Variants in SGCZ observed in about 807,000 individuals in gnomAD.
SGCZ encodes the protein sarcoglycan zeta.
Under a neutral mutation model 41.3 loss-of-function variants are expected in SGCZ, and 40 were observed. The ratio of observed to expected loss-of-function variants is 0.97; its 90% CI spans 0.75 to 1.26. SGCZ has a LOEUF of 1.26. Ranked by LOEUF, SGCZ falls within the 50% of genes most tolerant of loss-of-function variation. The probability of loss-of-function intolerance (pLI) is 0.00; values close to 1 mark genes in which losing one functional copy is unlikely to be tolerated. For synonymous variants in SGCZ, 206 were observed against 137.5 expected (o/e 1.50, Z -3.49); for missense variants, 552 against 369.8 (o/e 1.49, Z -4.04).
intron 2 of SGCZ, among the ~76,000 whole-genome samples, chr8:14,370,388 A>G (rs1803868397): frequency 6.6e-6 from 1 of 151,942 alleles, no homozygotes; most frequent in Non-Finnish European, 1.5e-5. Flanking sequence ...TATAACAACT[A>G]TTGAATATCA....
Position 14,090,553 on chromosome 8 carries a change from G to C in SGCZ, c.829C>G (p.Arg277Gly). Residue 277 changes from arginine to glycine, a missense_variant, in exon 8 of 8, where the codon CGA becomes GGA. By Grantham distance (125) the Arg-to-Gly change is moderately radical. Transcript: ENST00000382080. Reference sequence around the variant, plus strand: ...ACGCAGAGTTCATACACTGTCTGTCGAGAACTTGAGGAGCTGGGTGAAGAA... The same window carrying C: ...ACGCAGAGTTCATACACTGTCTGTCCAGAACTTGAGGAGCTGGGTGAAGAA... ...SSSSPSSSSSRQTVYELCVCP... is the reference protein window; with the variant it reads ...SSSSPSSSSSGQTVYELCVCP... The C allele has an allele frequency of 6.2e-7, 1 of 1,613,048 alleles. No individual in the cohort carries two copies. The highest frequency in any genetic ancestry group is 1.1e-5 in the South Asian group (1 of 91,032).
intron 5 of SGCZ, among the ~76,000 whole-genome samples, chr8:14,162,847 A>G (rs1160890762): frequency 1.3e-5 from 2 of 152,152 alleles, no homozygotes; most frequent in African/African-American, 4.8e-5. Context: ...GTTGAATTTC[A>G]TCACCATTTA....
intron 1 of SGCZ, among the ~76,000 whole-genome samples, chr8:14,666,886 G>T (rs981890464): frequency 4.0e-5 from 6 of 151,520 alleles, no homozygotes; most frequent in Non-Finnish European, 8.8e-5. Flanking sequence ...ACGTCCATTA[G>T]GTACTAAAAT....
chr8:14,930,964 G>A (rs1799908780), intron 1 of SGCZ, among the ~76,000 whole-genome samples: 1 of 151,998 alleles, frequency 6.6e-6, no homozygotes. Context: ...GTATACCTAT[G>A]TAACAAACCG....
At chr8:14,297,221 C>A (rs1294879695) in intron 3 of SGCZ, among the ~76,000 whole-genome samples, 1 of 151,974 alleles carries the variant, frequency 6.6e-6, no homozygotes, top group East Asian at 1.9e-4. Context: ...CTGCACTCGG[C>A]CCTGAATATT....
At chr8:14,981,300 A>G (rs1224597081) in intron 1 of SGCZ, among the ~76,000 whole-genome samples, 3 of 152,208 alleles carry the variant, frequency 2.0e-5, no homozygotes, top group Admixed American at 1.3e-4. Flanking sequence ...TATTATCAGG[A>G]TATATTTCAA....
intron 1 of SGCZ, among the ~76,000 whole-genome samples, chr8:14,748,497 A>G (rs1284027807): frequency 6.6e-6 from 1 of 152,150 alleles, no homozygotes; most frequent in Non-Finnish European, 1.5e-5. Flanking sequence ...ATTTACTGTG[A>G]CACCATAAGG....
intron 1 of SGCZ, among the ~76,000 whole-genome samples, chr8:14,620,424 C>T (rs552458862): frequency 1.0e-3 from 159 of 152,148 alleles, no homozygotes; most frequent in Middle Eastern, 0.01. Flanking sequence ...GCAACAAAAG[C>T]CAAAATTGAC....
chr8:14,556,766 C>T lies in SGCZ; in HGVS notation c.40-1840G>A, dbSNP rs1249867363. 3.9e-5 allele frequency among the ~76,000 whole-genome samples: 6 copies of T among 152,160 alleles called. No individual in the cohort carries two copies. In the East Asian group the frequency reaches 1.2e-3, roughly 29 times the overall value. On this transcript the variant is annotated intron_variant, in intron 1 of 7. Coordinates refer to ENST00000382080, the MANE Select transcript of SGCZ (RefSeq NM_139167.4). ...AATCCCATCCAGGTTGCTGCAAATG[C>T]CATTAATTCCTTCCTTTTTATGGCT...
chr8:14,196,230 G>A lies in SGCZ; in HGVS notation c.425-31528C>T, dbSNP rs184809277. Among the ~76,000 whole-genome samples the A allele has an allele frequency of 1.2e-3, 176 of 150,864 alleles. 1 individual carries two copies. In the East Asian group the frequency reaches 0.027, roughly 23 times the overall value. Reference sequence around the variant, plus strand: ...AATAATGAAGCAACTAAATCAATAAGAAGATAAAATAAAATACTAAATTAA... The same window carrying A: ...AATAATGAAGCAACTAAATCAATAAAAAGATAAAATAAAATACTAAATTAA... On this transcript the variant is annotated intron_variant, in intron 4 of 7. Transcript: ENST00000382080.
At chr8:14,803,669 C>T (rs1801414729) in intron 1 of SGCZ, among the ~76,000 whole-genome samples, 1 of 151,996 alleles carries the variant, frequency 6.6e-6, no homozygotes, top group South Asian at 2.1e-4. Context: ...CCCGCCATTG[C>T]CCAGGCTTGC....
chr8:14,648,976 A>T (rs1454376376), intron 1 of SGCZ, among the ~76,000 whole-genome samples: 1 of 152,074 alleles, frequency 6.6e-6, no homozygotes, highest in Non-Finnish European at 1.5e-5. Flanking sequence ...CCCTCATTTC[A>T]AAACATTTAT....
intron 2 of SGCZ, among the ~76,000 whole-genome samples, chr8:14,541,835 G>A (rs1167123318): frequency 6.6e-6 from 1 of 152,118 alleles, no homozygotes; most frequent in Non-Finnish European, 1.5e-5. Flanking sequence ...TAAATGGCAT[G>A]AGATGGTATC....
At chr8:14,497,820 A>C (rs1273600767) in intron 2 of SGCZ, among the ~76,000 whole-genome samples, 1 of 152,090 alleles carries the variant, frequency 6.6e-6, no homozygotes, top group Non-Finnish European at 1.5e-5. Flanking sequence ...ACACATTCAA[A>C]CTATATCAGG....
intron 2 of SGCZ, among the ~76,000 whole-genome samples, chr8:14,543,951 C>CA (rs1803545876): frequency 6.6e-6 from 1 of 152,136 alleles, no homozygotes; most frequent in Admixed American, 6.5e-5. Context: ...TGGCCCATCA[C>CA]CAGTGTTTGT....
At chr8:15,206,700 G>A (rs1011432906) in intron 1 of SGCZ, among the ~76,000 whole-genome samples, 2 of 152,026 alleles carry the variant, frequency 1.3e-5, no homozygotes, top group African/African-American at 4.8e-5. Context: ...ACCCTCCTCG[G>A]CCTCCCAAAG....
At chr8:15,223,834 A>C (rs367796469) in intron 1 of SGCZ, among the ~76,000 whole-genome samples, 2 of 150,388 alleles carry the variant, frequency 1.3e-5, no homozygotes, top group East Asian at 3.9e-4. Context: ...TGCAGTTGCC[A>C]GCGAAAAGCT....
intron 1 of SGCZ, among the ~76,000 whole-genome samples, chr8:14,652,346 A>AGGGGG (rs200127643): frequency 2.6e-4 from 13 of 50,710 alleles, no homozygotes; most frequent in African/African-American, 4.1e-4. Context: ...AAAAAAAAAA[A>AGGGGG]GGGGGGGGTG....
chr8:15,078,254 A>G (rs1805616353), intron 1 of SGCZ, among the ~76,000 whole-genome samples: 1 of 145,342 alleles, frequency 6.9e-6, no homozygotes, highest in African/African-American at 2.6e-5. Context: ...AAGAACCCAG[A>G]TTTCAGCGAA....
Sources: gnomAD v4.1 joint callset for allele counts (sites outside exome capture counted in the v4.1 genomes callset) on GRCh38, gnomAD v4.1.1 for gene constraint, MANE v1.5 for transcripts, NCBI Gene and HGNC (gene_info 2026-07-23, HGNC 2026-07-21) for gene names.